MXRA5: variants seen among roughly 807,000 people sequenced by gnomAD.
The protein encoded by MXRA5 is matrix-remodeling-associated protein 5.
Under a neutral mutation model 112.5 loss-of-function variants are expected in MXRA5, and 41 were observed. The ratio of observed to expected loss-of-function variants is 0.36; its 90% CI spans 0.28 to 0.47. The LOEUF (loss-of-function observed/expected upper bound fraction) is 0.47. MXRA5 is among the 20% of genes least tolerant of loss of function. The pLI is 0.99. For missense variants in MXRA5, 2,150 were observed against 2,251.0 expected (o/e 0.96, Z 0.91); for synonymous variants, 862 against 900.8 (o/e 0.96, Z 0.77).
chrX:3,313,032 C>G (rs772909299), intron 6 of MXRA5, among the ~76,000 whole-genome samples: 17 of 112,251 alleles, frequency 1.5e-4, no homozygotes, highest in Admixed American at 9.4e-4. Context: ...GTCAATGTAA[C>G]TTGGTAAGGA....
chrX:3,339,385 C>A (rs1428565603), intron 2 of MXRA5, among the ~76,000 whole-genome samples: 16 of 110,942 alleles, frequency 1.4e-4, no homozygotes, highest in African/African-American at 5.2e-4. Context: ...CTGCCTCAGC[C>A]TCCCAAGTAG....
At chrX:3,316,480 C>T (rs1247327985) in intron 6 of MXRA5, among the ~76,000 whole-genome samples, 1 of 61,762 alleles carries the variant, frequency 1.6e-5, no homozygotes, top group Non-Finnish European at 3.3e-5. Context: ...CACAGCAGAA[C>T]CCATCTCTAC....
intron 1 of MXRA5, among the ~76,000 whole-genome samples, chrX:3,345,674 G>T (rs887554765): frequency 4.4e-5 from 5 of 113,061 alleles, no homozygotes; most frequent in African/African-American, 1.6e-4. Flanking sequence ...CGCCAGAGAC[G>T]GTCTGCGAAC....
intron 2 of MXRA5, among the ~76,000 whole-genome samples, chrX:3,337,865 G>C (rs112559363): frequency 9.1e-4 from 102 of 111,920 alleles, no homozygotes; most frequent in African/African-American, 3.1e-3. Context: ...AAACTTGGGG[G>C]AAGGACTTCT....
At position 3,311,445 on chromosome X, in the gene MXRA5, T is replaced by C. The variant is rs754091865; in HGVS notation, c.6758A>G (p.His2253Arg). The change falls in exon 7 of 7, where the codon CAC (histidine) becomes CGC (arginine). Residue 2253 changes from histidine to arginine, a missense_variant. Transcript: ENST00000217939. The stretch of plus-strand genomic sequence containing the variant: ...CAGGTCACCCCCGTAGAAGACTTTG[T>C]GGTCGTTCTCCTCCTTGTGTTCAAT... ...AKIEHKEEND[H>R]KVFYGGDLKV... 3 of 1,211,955 alleles carry C rather than the reference T, an allele frequency of 2.5e-6. No homozygotes were observed. The highest frequency in any genetic ancestry group is 5.9e-5 in the East Asian group (2 of 33,836).
chrX:3,331,025 C>T (rs1055562193), intron 2 of MXRA5, among the ~76,000 whole-genome samples: 2 of 111,227 alleles, frequency 1.8e-5, no homozygotes, highest in African/African-American at 6.5e-5. Context: ...ACATCAGCCT[C>T]CCAAGTAGCT....
In MXRA5 at chrX:3,310,782, G is replaced by T. The variant is rs759826362; in HGVS notation, c.7421C>A (p.Pro2474Gln). Reference sequence around the variant, plus strand: ...CTCGGGAAAAGCCCATAACACCCTCGGGGTGGGGATGCCTTCAGCTTTGCA... The same window carrying T: ...CTCGGGAAAAGCCCATAACACCCTCTGGGTGGGGATGCCTTCAGCTTTGCA... ...IDCKAEGIPT[P>Q]RVLWAFPEGV... is the part of the protein sequence containing the mutation. The change falls in exon 7 of 7, where the codon CCG becomes CAG. Residue 2474 changes from proline (P) to glutamine (Q), a missense_variant. This residue lies in a region of MXRA5 where 93 missense variants were observed against 135.5 expected (regional missense o/e 0.69). Transcript: ENST00000217939. 1.7e-6 allele frequency: 2 copies of T among 1,204,594 alleles called. No individual in the cohort carries two copies. The highest frequency in any genetic ancestry group is 2.2e-6 in the Non-Finnish European group (2 of 893,104).
At chrX:3,315,807 A>T (rs1921099457) in intron 6 of MXRA5, among the ~76,000 whole-genome samples, 1 of 110,319 alleles carries the variant, frequency 9.1e-6, no homozygotes, top group Non-Finnish European at 1.9e-5. Flanking sequence ...GACTCTATCA[A>T]TAATGTCATA....
chrX:3,330,265 C>A lies in MXRA5; in HGVS notation c.462G>T (p.Arg154Ser). The change falls in exon 4 of 7, where the codon AGG becomes AGT. Residue 154 changes from arginine to serine, a missense_variant. By Grantham distance (110) the Arg-to-Ser change is moderately radical (BLOSUM62 -1). Coordinates refer to ENST00000217939, the MANE Select transcript of MXRA5 (RefSeq NM_015419.4). ...PQAFNGLTSL[R>S]LLHLEGNLLH... is the part of the protein sequence containing the mutation. ...GGAGATTTCCTTCCAAATGGAGTAG[C>A]CTCAGAGACGTTAAGCCGTTGAAAG... The A allele has an allele frequency of 8.3e-7, 1 of 1,211,063 alleles. No homozygotes were observed. Among genetic ancestry groups the A allele is most frequent in the Non-Finnish European group, 1.1e-6 (1 of 895,395 alleles).
intron 3 of MXRA5, 115 bp from the exon 4 acceptor site, chrX:3,330,523 G>A: frequency 9.1e-7 from 1 of 1,103,227 alleles, no homozygotes; most frequent in Non-Finnish European, 1.2e-6. Context: ...CATGAAGCTT[G>A]TCTTTCATGT....
chrX:3,333,260 G>A (rs1172318087), intron 2 of MXRA5, among the ~76,000 whole-genome samples: 2 of 82,732 alleles, frequency 2.4e-5, no homozygotes, highest in African/African-American at 9.7e-5. Context: ...CTGTGATTGT[G>A]CCACTGTACT....
At chrX:3,334,729 G>C (rs1014000260) in intron 2 of MXRA5, among the ~76,000 whole-genome samples, 1 of 111,663 alleles carries the variant, frequency 9.0e-6, no homozygotes, top group African/African-American at 3.2e-5. Context: ...CATAATATTC[G>C]TAAACATGTC....
At chrX:3,319,694 G>A (rs1030804345) in intron 5 of MXRA5, among the ~76,000 whole-genome samples, 4 of 111,575 alleles carry the variant, frequency 3.6e-5, no homozygotes, top group African/African-American at 1.3e-4. Context: ...GGTGGCAAGG[G>A]TTGAAAAATG....
chrX:3,322,247 A>G lies in MXRA5; in HGVS notation c.3438T>C (p.Pro1146=), dbSNP rs764258048. Reference sequence around the variant, plus strand: ...TTCTCCCGTTGGGTCTCCTTCGAGAAGGGTGAGTGCTCATGGTGGATGACG... The same window carrying G: ...TTCTCCCGTTGGGTCTCCTTCGAGAGGGGTGAGTGCTCATGGTGGATGACG... ...VAPSSTMSTH[P]SRRRPNGRRR... The change falls in exon 5 of 7, where the codon CCT becomes CCC. Residue 1146 remains proline (P), a synonymous_variant. Coordinates refer to ENST00000217939, the MANE Select transcript of MXRA5 (RefSeq NM_015419.4). 2 of 1,198,406 alleles carry G rather than the reference A, an allele frequency of 1.7e-6. No individual in the cohort carries two copies. The highest frequency in any genetic ancestry group is 4.5e-5 in the Admixed American group (2 of 44,926).
At chrX:3,332,371 A>G (rs1216425159) in intron 2 of MXRA5, among the ~76,000 whole-genome samples, 1 of 110,525 alleles carries the variant, frequency 9.0e-6, no homozygotes, top group Non-Finnish European at 1.9e-5. Context: ...CAGCCTCCCG[A>G]GTAGCTGGGA....
In MXRA5 at chrX:3,323,679, G is replaced by A. The variant is rs1281875633; in HGVS notation, c.2006C>T (p.Thr669Ile). The stretch of plus-strand genomic sequence containing the variant: ...GGATGGCAAGCCAGACCCTTTCTTG[G>A]TCACTGTGATTCCCACCGTAAAATG... ...ADHFTVGITVTKKGSGLPSKR... is the reference protein window; with the variant it reads ...ADHFTVGITVIKKGSGLPSKR... Residue 669 changes from threonine (T) to isoleucine (I), a missense_variant, in exon 5 of 7, where the codon ACC becomes ATC. Physicochemically the swap from Thr to Ile is moderately conservative, Grantham distance 89. This residue lies in a region of MXRA5 where 1,485 missense variants were observed against 1,471.6 expected (regional missense o/e 1.01). Coordinates refer to ENST00000217939, the MANE Select transcript of MXRA5 (RefSeq NM_015419.4). The A allele has an allele frequency of 8.3e-6, 10 of 1,209,985 alleles. No homozygotes were observed. Among genetic ancestry groups the A allele is most frequent in the Non-Finnish European group, 1.1e-5 (10 of 894,404 alleles).
Position 3,322,870 on chromosome X carries a change from T to C in MXRA5, c.2815A>G (p.Thr939Ala), listed in dbSNP as rs765848195. The C allele has an allele frequency of 2.5e-6, 3 of 1,211,225 alleles. No individual in the cohort carries two copies. In the South Asian group the frequency reaches 5.3e-5, roughly 21 times the overall value. Residue 939 changes from threonine (T) to alanine (A), a missense_variant, in exon 5 of 7, where the codon ACG (threonine) becomes GCG (alanine). Coordinates refer to ENST00000217939, the MANE Select transcript of MXRA5 (RefSeq NM_015419.4). ...GCTGCAGACCAACCCTCTGTTGCCG[T>C]CTCTTCATGGGTGGGCTTTTCATAG... ...TVYEKPTHEETATEGWSAADV... is the reference protein window; with the variant it reads ...TVYEKPTHEEAATEGWSAADV...
rs778086871 is a variant in MXRA5, at chrX:3,309,705, G to T, written c.*11C>A. 1.7e-5 allele frequency: 20 copies of T among 1,194,197 alleles called. No homozygotes were observed. The East Asian group carries it at 5.9e-4, about 36-fold the overall frequency. On this transcript the variant is annotated 3_prime_UTR_variant, in exon 7 of 7. Transcript: ENST00000217939. Reference sequence around the variant, plus strand: ...TGTCAGTTCCTAAGCAATCATTCTGGAATCCACATTTCAGAAGACGTGGAT... The same window carrying T: ...TGTCAGTTCCTAAGCAATCATTCTGTAATCCACATTTCAGAAGACGTGGAT...
chrX:3,315,916 A>C, intron 6 of MXRA5, among the ~76,000 whole-genome samples: 1 of 109,341 alleles, frequency 9.1e-6, no homozygotes, highest in African/African-American at 3.4e-5. Flanking sequence ...TTAAACATAT[A>C]ATCATTAAAA....
Sources: gnomAD v4.1 joint callset for allele counts (sites outside exome capture counted in the v4.1 genomes callset) on GRCh38, gnomAD v4.1.1 for gene constraint, gnomAD v4.1.1 regional missense constraint, MANE v1.5 for transcripts, NCBI Gene and HGNC (gene_info 2026-07-23, HGNC 2026-07-21) for gene names.